The following IFNL3 variants were observed in gnomAD, a reference collection of about 807,000 sequenced individuals.
The protein encoded by IFNL3 is interferon lambda-3.
Under a neutral mutation model 16.3 loss-of-function variants are expected in IFNL3, and 16 were observed. That is an observed-to-expected ratio of 0.98 (90% CI 0.67 to 1.50). The LOEUF is 1.50. Among genes scored for constraint, IFNL3 ranks in the 40% most tolerant of loss-of-function variants. The pLI, the probability that IFNL3 is intolerant of heterozygous loss-of-function variation, is 0.00. For missense variants in IFNL3, 254 were observed against 253.5 expected, an observed-to-expected ratio of 1.00 and a Z score of -0.01; for synonymous variants, 115 against 115.3, an observed-to-expected ratio of 1.00 and a Z score of 0.02.
intron 1 of IFNL3, 84 bp from the exon 2 acceptor site, chr19:39,244,578 A>T: frequency 4.1e-6 from 6 of 1,470,298 alleles, no homozygotes; most frequent in Non-Finnish European, 5.6e-6. Flanking sequence ...GGCTGACAAC[A>T]GGATAGGGGA....
In IFNL3 at chr19:39,244,372, G is replaced by A. The variant is rs8102358; in HGVS notation, c.258+45C>T. 19,556 of 1,593,294 alleles carry A rather than the reference G, an allele frequency of 0.012. 2,063 individuals are homozygous for A. In the African/African-American group the frequency reaches 0.23, roughly 19 times the overall value. ...TGAAGGGGCCACTACAGAGCCAGGT[G>A]AGCAGGGCTGGGAGGGCAGGGGTGG... On this transcript the variant is annotated intron_variant, in intron 2 of 4. Coordinates refer to ENST00000413851, the MANE Select transcript of IFNL3 (RefSeq NM_172139.4).
upstream of IFNL3, chr19:39,245,181 T>G (rs2074939645): frequency 4.2e-6 from 4 of 955,448 alleles, no homozygotes; most frequent in Admixed American, 6.5e-5. Flanking sequence ...TCCCCTCTTC[T>G]GGATCTCAGA....
chr19:39,245,197 T>A, upstream of IFNL3: 1 of 857,770 alleles, frequency 1.2e-6, no homozygotes, highest in South Asian at 1.6e-5. Context: ...TCAGACTGTG[T>A]CCTGGCTTTG....
At position 39,243,691 on chromosome 19, in the gene IFNL3, G is replaced by C. The variant is rs2074925840; in HGVS notation, c.532C>G (p.Leu178Val). The C allele has an allele frequency of 1.9e-6, 3 of 1,609,448 alleles. No individual in the cohort carries two copies. The highest frequency in any genetic ancestry group is 2.5e-6 in the Non-Finnish European group (3 of 1,177,970). ...GCLEASVTFNLFRLLTRDLNC... is the reference protein window; with the variant it reads ...GCLEASVTFNVFRLLTRDLNC... ...AGGTCTCGCGTGAGGAGGCGGAAGA[G>C]GTTGAAGGTGACAGAGGCCTCGAGG... The change falls in exon 5 of 5, where the codon CTC (leucine) becomes GTC (valine). Residue 178 changes from leucine to valine, a missense_variant. By Grantham distance (32) the Leu-to-Val change is conservative. Transcript: ENST00000413851.
rs1438527826 is a variant in IFNL3, at chr19:39,243,921, A to T, written c.409-14T>A. On this transcript the variant is annotated splice_polypyrimidine_tract_variant and intron_variant, in intron 3 of 4. Transcript: ENST00000413851. ...CTGAGGCTGGATCTGTGGGCAGAGG[A>T]GGGCGGTGTGTGAGCCGGGGCCTTG... The T allele has an allele frequency of 6.2e-7, 1 of 1,612,362 alleles. No homozygotes were observed. The highest frequency in any genetic ancestry group is 1.3e-5 in the African/African-American group (1 of 74,890).
At position 39,244,734 on chromosome 19, in the gene IFNL3, C is replaced by G. The variant is rs368072808; in HGVS notation, c.180+54G>C. Reference sequence around the variant, plus strand: ...GCTGGGAGTGGGAAAGCATGGTGACCCTTGGAGTGCGGGTGGAGGCTAGTC... The same window carrying G: ...GCTGGGAGTGGGAAAGCATGGTGACGCTTGGAGTGCGGGTGGAGGCTAGTC... On this transcript the variant is annotated intron_variant, in intron 1 of 4. Coordinates refer to ENST00000413851, the MANE Select transcript of IFNL3 (RefSeq NM_172139.4). 2.4e-3 allele frequency: 3,842 copies of G among 1,581,824 alleles called. 101 individuals carry two copies. In the African/African-American group the frequency reaches 0.046, roughly 19 times the overall value.
At position 39,243,663 on chromosome 19, in the gene IFNL3, T is replaced by C. The variant is rs1221593903; in HGVS notation, c.560A>G (p.Asn187Ser). 1.2e-6 allele frequency: 2 copies of C among 1,604,666 alleles called. No homozygotes were observed. Among genetic ancestry groups the C allele is most frequent in the African/African-American group, 1.3e-5 (1 of 74,798 alleles). ...ACACAGGTCCCCGCTGGCAACACAA[T>C]TCAGGTCTCGCGTGAGGAGGCGGAA... ...NLFRLLTRDL[N>S]CVASGDLCV is the part of the protein sequence containing the mutation. The change falls in exon 5 of 5, where the codon AAT (asparagine) becomes AGT (serine). Residue 187 changes from asparagine to serine, a missense_variant. By Grantham distance (46) the Asn-to-Ser change is conservative. Coordinates refer to ENST00000413851, the MANE Select transcript of IFNL3 (RefSeq NM_172139.4).
In IFNL3 at chr19:39,244,872, C is replaced by G; in HGVS notation, c.96G>C (p.Pro32=). Residue 32 remains proline, a synonymous_variant, in exon 1 of 5, where the codon CCG becomes CCC. Coordinates refer to ENST00000413851, the MANE Select transcript of IFNL3 (RefSeq NM_172139.4). The stretch of plus-strand genomic sequence containing the variant: ...GGGCTATGTGGCAGCCCCTTGCATC[C>G]GGGAGAGCCCCGCGGAGCCTGGCGA... The part of the protein sequence containing the change: ...VPVARLRGAL[P]DARGCHIAQF... 6.2e-7 allele frequency: 1 copy of G among 1,613,956 alleles called. No individual in the cohort carries two copies. The highest frequency in any genetic ancestry group is 1.1e-5 in the South Asian group (1 of 91,074).
rs199518159 is a variant in IFNL3, at chr19:39,243,726, G to A, written c.497C>T (p.Ser166Phe). 1.9e-5 allele frequency: 31 copies of A among 1,611,986 alleles called. No homozygotes were observed. The highest frequency in any genetic ancestry group is 2.5e-5 in the Non-Finnish European group (29 of 1,179,238). ...GACAGAGGCCTCGAGGCAGCCAGGG[G>A]ACTCCTGTAGGGAGGAGGGGATGGG... The part of the protein sequence containing the change: ...HRLQEAPKKE[S>F]PGCLEASVTF... Residue 166 changes from serine to phenylalanine, a missense_variant, in exon 5 of 5, where the codon TCC (serine) becomes TTC (phenylalanine). Ser to Phe is a radical substitution (Grantham distance 155). Transcript: ENST00000413851.
At position 39,244,043 on chromosome 19, in the gene IFNL3, T is replaced by A; in HGVS notation, c.373A>T (p.Thr125Ser). The change falls in exon 3 of 5, where the codon ACC (threonine) becomes TCC (serine). Residue 125 changes from threonine (T) to serine (S), a missense_variant. Transcript: ENST00000413851. The stretch of plus-strand genomic sequence containing the variant: ...AGCTGGGAGAGGATATGGTGCAGGG[T>A]GTGAAGGGGCTGGTCCAAGACATCC... Reference protein sequence around the residue: ...LGDVLDQPLHTLHHILSQLRA... With the variant: ...LGDVLDQPLHSLHHILSQLRA... 1.2e-6 allele frequency: 2 copies of A among 1,613,892 alleles called. No homozygotes were observed. Among genetic ancestry groups the A allele is most frequent in the Non-Finnish European group, 1.7e-6 (2 of 1,179,976 alleles).
Position 39,244,834 on chromosome 19 carries a change from A to G in IFNL3, c.134T>C (p.Leu45Pro), listed in dbSNP as rs763166362. The change falls in exon 1 of 5, where the codon CTG (leucine) becomes CCG (proline). Residue 45 changes from leucine (L) to proline (P), a missense_variant. Transcript: ENST00000413851. Reference protein sequence around the residue: ...RGCHIAQFKSLSPQELQAFKR... With the variant: ...RGCHIAQFKSPSPQELQAFKR... ...AAAGGCCTGCAGCTCCTGTGGAGACAGGGACTTGAACTGGGCTATGTGGCA... is the reference window on the plus strand; with the variant it reads ...AAAGGCCTGCAGCTCCTGTGGAGACGGGGACTTGAACTGGGCTATGTGGCA... 29 of 1,613,800 alleles carry G rather than the reference A, an allele frequency of 1.8e-5. No individual in the cohort carries two copies. In the South Asian group the frequency reaches 3.1e-4, roughly 17 times the overall value.
upstream of IFNL3, chr19:39,245,018 T>G (rs1222861995): frequency 1.2e-6 from 2 of 1,613,026 alleles, no homozygotes; most frequent in African/African-American, 2.7e-5. Flanking sequence ...GGCTGCCCAC[T>G]GAGGGCAGGG....
At position 39,244,769 on chromosome 19, in the gene IFNL3, A is replaced by C. The variant is rs200147727; in HGVS notation, c.180+19T>G. On this transcript the variant is annotated intron_variant, in intron 1 of 4. Coordinates refer to ENST00000413851, the MANE Select transcript of IFNL3 (RefSeq NM_172139.4). The stretch of plus-strand genomic sequence containing the variant: ...CGGGTGGAGGCTAGTCCATGGCAGG[A>C]GGGCAGGGGGAGACTCACTAAGGCA... 1 of 1,604,584 alleles carries C rather than the reference A, an allele frequency of 6.2e-7. No homozygotes were observed.
Position 39,244,154 on chromosome 19 carries a change from T to C in IFNL3, c.262A>G (p.Arg88Gly). ...RTWDLRQLQVRERPVALEAEL... is the reference protein window; with the variant it reads ...RTWDLRQLQVGERPVALEAEL... The stretch of plus-strand genomic sequence containing the variant: ...GCCTCCAAAGCCACGGGGCGCTCCC[T>C]CACCTGAGGAGAGGTGAGAAAGAGC... The change falls in exon 3 of 5, where the codon AGG becomes GGG. Residue 88 changes from arginine to glycine, a missense_variant. Arg to Gly is a moderately radical substitution (Grantham distance 125). Coordinates refer to ENST00000413851, the MANE Select transcript of IFNL3 (RefSeq NM_172139.4). 2 of 1,613,902 alleles carry C rather than the reference T, an allele frequency of 1.2e-6. No homozygotes were observed. The highest frequency in any genetic ancestry group is 1.7e-6 in the Non-Finnish European group (2 of 1,179,984).
downstream of IFNL3, chr19:39,243,524 G>A: frequency 8.1e-7 from 1 of 1,230,118 alleles, no homozygotes; most frequent in Non-Finnish European, 1.1e-6. Flanking sequence ...TCCTGGAGGT[G>A]AGTTGGATTT....
At chr19:39,244,189 G>C (rs2074931115) in intron 2 of IFNL3, 32 bp from the exon 3 acceptor site, 1 of 1,612,642 alleles carries the variant, frequency 6.2e-7, no homozygotes, top group Non-Finnish European at 8.5e-7. Context: ...CAGGTGAGGG[G>C]GGAGGTGAGG....
In IFNL3 at chr19:39,244,012, G is replaced by A. The variant is rs2074929106; in HGVS notation, c.404C>T (p.Ala135Val). ...TLHHILSQLR[A>V]CIQPQPTAGP... ...GCCCGGGCCCTGACGACTCACACAG[G>A]CCCGGAGCTGGGAGAGGATATGGTG... The change falls in exon 3 of 5, where the codon GCC becomes GTC. Residue 135 changes from alanine (A) to valine (V), a missense_variant. Ala to Val is a moderately conservative substitution (Grantham distance 64, BLOSUM62 0). Transcript: ENST00000413851. 1.2e-6 allele frequency: 2 copies of A among 1,613,890 alleles called. No individual in the cohort carries two copies. Among genetic ancestry groups the A allele is most frequent in the Non-Finnish European group, 1.7e-6 (2 of 1,179,836 alleles).
In IFNL3 at chr19:39,244,072, A is replaced by C. The variant is rs1476959079; in HGVS notation, c.344T>G (p.Leu115Arg). Reference sequence around the variant, plus strand: ...AAGGGGCTGGTCCAAGACATCCCCCAGGGCTGGGTCAGTGTCAGCGGTGGC... The same window carrying C: ...AAGGGGCTGGTCCAAGACATCCCCCCGGGCTGGGTCAGTGTCAGCGGTGGC... ...LEATADTDPA[L>R]GDVLDQPLHT... Residue 115 changes from leucine (L) to arginine (R), a missense_variant, in exon 3 of 5, where the codon CTG (leucine) becomes CGG (arginine). Leu to Arg is a moderately radical substitution (Grantham distance 102, BLOSUM62 -2). Transcript: ENST00000413851. The C allele has an allele frequency of 1.9e-6, 3 of 1,614,176 alleles. No homozygotes were observed. The highest frequency in any genetic ancestry group is 2.5e-6 in the Non-Finnish European group (3 of 1,180,036).
chr19:39,244,880 C>G lies in IFNL3; in HGVS notation c.88G>C (p.Ala30Pro). ...GAVPVARLRG[A>P]LPDARGCHIA... is the part of the protein sequence containing the mutation. ...TGGCAGCCCCTTGCATCCGGGAGAG[C>G]CCCGCGGAGCCTGGCGACAGGAACT... is the stretch of plus-strand genomic sequence containing the variant. The change falls in exon 1 of 5, where the codon GCT (alanine) becomes CCT (proline). Residue 30 changes from alanine to proline, a missense_variant. Transcript: ENST00000413851. 1 of 1,613,986 alleles carries G rather than the reference C, an allele frequency of 6.2e-7. No homozygotes were observed.
Sources: allele counts gnomAD v4.1 joint callset, GRCh38; gene constraint gnomAD v4.1.1; transcripts MANE v1.5; gene names NCBI Gene and HGNC (gene_info 2026-07-23, HGNC 2026-07-21).